Variants in OVCH2 observed in about 807,000 individuals in gnomAD.
OVCH2 encodes the protein ovochymase-2.
Under a neutral mutation model 73.7 loss-of-function variants are expected in OVCH2, and 88 were observed. The observed-to-expected ratio is 1.19, with a 90% CI of 1.01 to 1.43. The LOEUF is 1.43. OVCH2 is among the 40% of genes most tolerant of loss of function. OVCH2 has a pLI of 0.00. For synonymous variants in OVCH2, 265 were observed against 234.5 expected (o/e 1.13, Z -1.19); for missense variants, 706 against 674.5 (o/e 1.05, Z -0.52).
intron 1 of OVCH2, chr11:7,705,363 GA>G (rs887623835): frequency 6.6e-6 from 1 of 152,148 alleles, no homozygotes; most frequent in Non-Finnish European, 1.5e-5. Context: ...CTACTCAAGG[GA>G]AAAAACTTGC....
In OVCH2 at chr11:7,695,687, G is replaced by A. The variant is rs1465620424; in HGVS notation, c.1165C>T (p.Pro389Ser). The A allele has an allele frequency of 3.2e-6, 5 of 1,586,374 alleles. No individual in the cohort carries two copies. In the African/African-American group the frequency reaches 5.6e-5, roughly 18 times the overall value. The change falls in exon 11 of 16, where the codon CCT becomes TCT. Residue 389 changes from proline (P) to serine (S), a missense_variant. Transcript: ENST00000533663. Reference protein sequence around the residue: ...PIGKFCGESLPSSILIGSNSL... With the variant: ...PIGKFCGESLSSSILIGSNSL... ...TTAGAGCCAATAAGAATGGATGAAG[G>A]GAGGCTTTCTCCACAAAATTTTCCT...
At chr11:7,704,474 G>C in intron 2 of OVCH2, 91 bp downstream of exon 2, 1 of 837,184 alleles carries the variant, frequency 1.2e-6, no homozygotes, top group Non-Finnish European at 1.8e-6. Context: ...CTAGGCTGTA[G>C]GCTCCTCAAA....
At chr11:7,681,850 G>A in the OVCH2 span, among the ~76,000 whole-genome samples, 1 of 86,720 alleles carries the variant, frequency 1.2e-5, no homozygotes, top group Non-Finnish European at 2.0e-5. Flanking sequence ...AGGGGGAAAT[G>A]TCCAAAAAAA....
chr11:7,695,476 G>A (rs1018685569), intron 11 of OVCH2, 94 bp downstream of exon 11: 1 of 1,267,834 alleles, frequency 7.9e-7, no homozygotes, highest in Admixed American at 2.3e-5. Flanking sequence ...GTTGGGCCTT[G>A]GGAGAGGGAT....
chr11:7,698,616 A>C, intron 8 of OVCH2, 134 bp downstream of exon 8: 1 of 794,694 alleles, frequency 1.3e-6, no homozygotes, highest in Non-Finnish European at 1.9e-6. Context: ...TAATGGCTGT[A>C]GGTGCTCCAG....
intron 3 of OVCH2, among the ~76,000 whole-genome samples, chr11:7,702,760 T>C (rs1856468158): frequency 6.6e-6 from 1 of 152,176 alleles, no homozygotes; most frequent in African/African-American, 2.4e-5. Context: ...GCTTAGTATA[T>C]ATTATAAGGC....
Position 7,689,601 on chromosome 11 carries a change from G to T in OVCH2, c.*33C>A. On this transcript the variant is annotated splice_region_variant and 3_prime_UTR_variant, in exon 16 of 16. Coordinates refer to ENST00000533663, the MANE Select transcript of OVCH2 (RefSeq NM_198185.7). ...TACTGACAGTCACTGGTGCCCCTTG[G>T]CCTGTAGATAATGTATTGCCCCAAC... 2.1e-6 allele frequency: 1 copy of T among 473,822 alleles called. No homozygotes were observed. 29.4% of individuals were successfully genotyped at this position (473,822 alleles called of 1,614,324 possible).
Position 7,696,588 on chromosome 11 carries a change from G to T in OVCH2, c.1018C>A (p.Arg340=). ...GGTACCAGCAGGGTCCAGACACACCGTCTGTAGGCAGATCATGGAGAGGGC... is the reference window on the plus strand; with the variant it reads ...GGTACCAGCAGGGTCCAGACACACCTTCTGTAGGCAGATCATGGAGAGGGC... ...SLHLYYESKQ[R]CVWTLLVPEE... Residue 340 remains arginine, a splice_region_variant and synonymous_variant, in exon 10 of 16, where the codon CGG becomes AGG. Transcript: ENST00000533663. 1.2e-6 allele frequency: 2 copies of T among 1,614,014 alleles called. No homozygotes were observed. Among genetic ancestry groups the T allele is most frequent in the South Asian group, 1.1e-5 (1 of 91,084 alleles).
At chr11:7,700,943 T>G (rs181899705) in intron 6 of OVCH2, among the ~76,000 whole-genome samples, 2 of 152,358 alleles carry the variant, frequency 1.3e-5, no homozygotes. Flanking sequence ...TTTGGTCTTT[T>G]GGAAAAAGCA....
chr11:7,706,333 T>C lies in OVCH2; in HGVS notation c.62A>G (p.Lys21Arg). Residue 21 changes from lysine (K) to arginine (R), a missense_variant, in exon 1 of 16, where the codon AAA (lysine) becomes AGA (arginine). Coordinates refer to ENST00000533663, the MANE Select transcript of OVCH2 (RefSeq NM_198185.7). Reference sequence around the variant, plus strand: ...TTTGGGGAGCGAAAGAGTTGCAGATTTACCTCGTTCAAAAAAGACTATTCC... The same window carrying C: ...TTTGGGGAGCGAAAGAGTTGCAGATCTACCTCGTTCAAAAAAGACTATTCC... Reference protein sequence around the residue: ...LLGIVFFERGKSATLSLPKAP... With the variant: ...LLGIVFFERGRSATLSLPKAP... 5 of 1,592,008 alleles carry C rather than the reference T, an allele frequency of 3.1e-6. No individual in the cohort carries two copies. Among genetic ancestry groups the C allele is most frequent in the Non-Finnish European group, 4.3e-6 (5 of 1,167,868 alleles).
chr11:7,695,846 C>T (rs1451300086), intron 10 of OVCH2, 136 bp from the exon 11 acceptor site: 2 of 1,189,466 alleles, frequency 1.7e-6, no homozygotes, highest in Non-Finnish European at 2.4e-6. Flanking sequence ...TCACAATTGA[C>T]ATTTTGAGCC....
chr11:7,693,588 C>A (rs544897244), intron 12 of OVCH2, among the ~76,000 whole-genome samples: 1 of 152,176 alleles, frequency 6.6e-6, no homozygotes, highest in Non-Finnish European at 1.5e-5. Context: ...TCCTCTTCTT[C>A]CTCCACCTGG....
At chr11:7,698,552 G>T (rs1315148382) in intron 8 of OVCH2, among the ~76,000 whole-genome samples, 198 bp downstream of exon 8, 2 of 152,158 alleles carry the variant, frequency 1.3e-5, no homozygotes, top group Non-Finnish European at 2.9e-5. Context: ...TTGGGACAGA[G>T]CTCTGGATTG....
chr11:7,698,857 A>G, intron 7 of OVCH2, 84 bp from the exon 8 acceptor site: 1 of 1,441,714 alleles, frequency 6.9e-7, no homozygotes, highest in South Asian at 1.2e-5. Context: ...CTTGGCGCAC[A>G]AGAGATTTTT....
chr11:7,687,926 G>A (rs10082615), downstream of OVCH2, among the ~76,000 whole-genome samples: 13,937 of 151,938 alleles, frequency 0.092, 1,471 homozygotes, highest in African/African-American at 0.26. Flanking sequence ...GCTCTTGTGC[G>A]TCTCTTCTTA....
rs968108029 is a variant in OVCH2 at position 7,689,520 on chromosome 11, T to C, written c.*114A>G. 2 of 416,114 alleles carry C rather than the reference T, an allele frequency of 4.8e-6. No individual in the cohort carries two copies. Among genetic ancestry groups the C allele is most frequent in the African/African-American group, 4.0e-5 (2 of 49,438 alleles). 25.8% of individuals were successfully genotyped at this position (416,114 alleles called of 1,614,324 possible). A position where few individuals can be genotyped will look rare whatever the true frequency, so the allele number is the denominator to read the frequency against. ...CAACGTGTCAGCAGGGATGGCTCTG[T>C]CTGAGGGCTGTGACGAGGAGTCTGC... On this transcript the variant is annotated 3_prime_UTR_variant, in exon 16 of 16. Transcript: ENST00000533663.
the OVCH2 span, among the ~76,000 whole-genome samples, chr11:7,681,177 G>A: frequency 6.6e-6 from 1 of 152,200 alleles, no homozygotes; most frequent in South Asian, 2.1e-4. Flanking sequence ...CACTGATGGA[G>A]CACCCAGCCC....
Position 7,703,658 on chromosome 11 carries a change from T to C in OVCH2, c.290+40A>G, listed in dbSNP as rs369268884. 2.8e-5 allele frequency: 41 copies of C among 1,456,186 alleles called. No homozygotes were observed. In the African/African-American group the frequency reaches 4.7e-4, roughly 17 times the overall value. 90.2% of individuals were successfully genotyped at this position (1,456,186 alleles called of 1,614,324 possible). A position where few individuals can be genotyped will look rare whatever the true frequency, so the allele number is the denominator to read the frequency against. ...GCTGATGATTCCAAGGGAGAAGAAA[T>C]GGTGGTGTGGTCTTCACTCATGGGC... On this transcript the variant is annotated intron_variant, in intron 3 of 15. Transcript: ENST00000533663.
At chr11:7,678,824 A>T in the OVCH2 span, among the ~76,000 whole-genome samples, 1 of 152,186 alleles carries the variant, frequency 6.6e-6, no homozygotes, top group Non-Finnish European at 1.5e-5. Context: ...CTGAAAAACT[A>T]CTTATTGGCT....
Sources: allele counts gnomAD v4.1 joint callset (sites outside exome capture counted in the v4.1 genomes callset), GRCh38; gene constraint gnomAD v4.1.1; transcripts MANE v1.5; gene names NCBI Gene and HGNC (gene_info 2026-07-23, HGNC 2026-07-21).